The following EYS variants were observed in gnomAD, a reference collection of about 807,000 sequenced individuals.
EYS encodes protein eyes shut homolog.
A neutral mutation model predicts 282.1 loss-of-function variants in EYS; 250 were observed. The observed-to-expected ratio is 0.89, with a 90% CI of 0.80 to 0.98. EYS has a LOEUF of 0.98. EYS is among the 50% of genes least tolerant of loss of function. The pLI, the probability that EYS is intolerant of heterozygous loss-of-function variation, is 0.00. For missense variants in EYS, 4,016 were observed against 3,709.0 expected (o/e 1.08, Z -2.15); for synonymous variants, 1,355 against 1,282.9 (o/e 1.06, Z -1.20).
chr6:64,669,694 T>C (rs1481830046), intron 22 of EYS, among the ~76,000 whole-genome samples: 3 of 152,234 alleles, frequency 2.0e-5, no homozygotes, highest in African/African-American at 7.2e-5. Context: ...ATGTGTTTTT[T>C]ATTTGTTCTT....
intron 31 of EYS, among the ~76,000 whole-genome samples, chr6:64,219,976 A>C (rs1188282991): frequency 6.6e-6 from 1 of 152,162 alleles, no homozygotes; most frequent in East Asian, 1.9e-4. Flanking sequence ...GTGGGAATTG[A>C]ACAATGAGAA....
chr6:63,720,746 C>A lies in EYS; in HGVS notation c.9285G>T (p.Lys3095Asn). The A allele has an allele frequency of 6.5e-7, 1 of 1,549,942 alleles. No individual in the cohort carries two copies. The highest frequency in any genetic ancestry group is 1.2e-5 in the South Asian group (1 of 83,810). ...CYLGGFEYGR[K>N]VNIVTQEIFK... Reference sequence around the variant, plus strand: ...AAATCTCTTGAGTAACGATATTTACCTTTCTACCATATTCAAAGCCCCCTA... The same window carrying A: ...AAATCTCTTGAGTAACGATATTTACATTTCTACCATATTCAAAGCCCCCTA... The change falls in exon 43 of 43, where the codon AAG (lysine) becomes AAT (asparagine). Residue 3095 changes from lysine to asparagine, a missense_variant. Coordinates refer to ENST00000503581, the MANE Select transcript of EYS (RefSeq NM_001142800.2).
At chr6:64,593,046 C>A in intron 25 of EYS, 71 bp downstream of exon 25, 2 of 1,152,486 alleles carry the variant, frequency 1.7e-6, no homozygotes, top group Non-Finnish European at 1.2e-6. Context: ...TTTAATAATG[C>A]AGAAAATATG....
chr6:65,645,274 A>G (rs1767412200), intron 1 of EYS, among the ~76,000 whole-genome samples: 1 of 152,184 alleles, frequency 6.6e-6, no homozygotes, highest in African/African-American at 2.4e-5. Flanking sequence ...AAGATAAACC[A>G]TATGATAGGC....
chr6:65,264,349 C>G (rs1582078481), intron 12 of EYS, among the ~76,000 whole-genome samples: 1 of 152,190 alleles, frequency 6.6e-6, no homozygotes, highest in Non-Finnish European at 1.5e-5. Context: ...AAAATTGTAA[C>G]TACATTTCAT....
intron 24 of EYS, among the ~76,000 whole-genome samples, chr6:64,610,186 G>A (rs1308711500): frequency 6.6e-6 from 1 of 151,872 alleles, no homozygotes; most frequent in Non-Finnish European, 1.5e-5. Flanking sequence ...TCTAATTGAA[G>A]TCTAAAATGT....
At chr6:64,985,695 A>G (rs1770836920) in intron 14 of EYS, among the ~76,000 whole-genome samples, 1 of 151,602 alleles carries the variant, frequency 6.6e-6, no homozygotes, top group African/African-American at 2.4e-5. Context: ...TGAGTTTCAG[A>G]GAAAAACTGA....
intron 26 of EYS, among the ~76,000 whole-genome samples, chr6:64,472,470 TC>T (rs1776149513): frequency 6.6e-6 from 1 of 152,098 alleles, no homozygotes; most frequent in Non-Finnish European, 1.5e-5. Context: ...ACCAACTGTT[TC>T]CCCCTCATTT....
chr6:64,755,483 C>A (rs1341069936), intron 22 of EYS, among the ~76,000 whole-genome samples: 1 of 137,002 alleles, frequency 7.3e-6, no homozygotes, highest in African/African-American at 2.8e-5. Context: ...AATAAGAAAT[C>A]TTGAGAACAT....
chr6:64,565,108 T>C (rs938801691), intron 26 of EYS, among the ~76,000 whole-genome samples: 3 of 152,194 alleles, frequency 2.0e-5, no homozygotes, highest in Non-Finnish European at 2.9e-5. Flanking sequence ...ATTCCCTAGA[T>C]TGTCTCTTTA....
intron 29 of EYS, among the ~76,000 whole-genome samples, chr6:64,380,298 C>T (rs1024021095): frequency 2.6e-5 from 4 of 152,064 alleles, no homozygotes; most frequent in African/African-American, 9.7e-5. Flanking sequence ...TCAATAATCA[C>T]CTCATGTATA....
intron 29 of EYS, among the ~76,000 whole-genome samples, chr6:64,387,698 G>A (rs1292202407): frequency 6.6e-6 from 1 of 152,056 alleles, no homozygotes; most frequent in African/African-American, 2.4e-5. Flanking sequence ...GCACATTAAT[G>A]TTATAGAAAA....
At position 64,624,687 on chromosome 6, in the gene EYS, A is replaced by T. The variant is rs545750852; in HGVS notation, c.3568+1434T>A. On this transcript the variant is annotated intron_variant, in intron 23 of 42. Transcript: ENST00000503581. ...TCTCTGAGTGATGTTTAACTTCTAA[A>T]TAGTATGTGGGTGACACTCAGTTGA... Among the ~76,000 whole-genome samples, 3 of 152,238 alleles carry T rather than the reference A, an allele frequency of 2.0e-5. No individual in the cohort carries two copies. The South Asian group carries it at 6.2e-4, about 32-fold the overall frequency.
chr6:64,719,968 A>G (rs113332398), intron 22 of EYS, among the ~76,000 whole-genome samples: 2 of 152,208 alleles, frequency 1.3e-5, no homozygotes, highest in African/African-American at 4.8e-5. Context: ...GTTTAAACCT[A>G]TATGTTAGTG....
At chr6:64,735,394 CT>C in intron 22 of EYS, among the ~76,000 whole-genome samples, 1 of 152,178 alleles carries the variant, frequency 6.6e-6, no homozygotes, top group Non-Finnish European at 1.5e-5. Context: ...GTTTTCTGAC[CT>C]TTTTTTCTGC....
intron 12 of EYS, among the ~76,000 whole-genome samples, chr6:65,259,500 T>C (rs964918950): frequency 6.6e-6 from 1 of 152,102 alleles, no homozygotes; most frequent in African/African-American, 2.4e-5. Context: ...ATGGTTGATG[T>C]GTTTTTATAC....
chr6:64,508,267 CTG>C (rs1445191062), intron 26 of EYS, among the ~76,000 whole-genome samples: 1 of 152,022 alleles, frequency 6.6e-6, no homozygotes, highest in Non-Finnish European at 1.5e-5. Context: ...TTCAGTTATT[CTG>C]TGTTGATCAA....
At position 65,598,248 on chromosome 6, in the gene EYS, C is replaced by A. The variant is rs60099765; in HGVS notation, c.-333+41530G>T. 8.1e-4 allele frequency among the ~76,000 whole-genome samples: 55 copies of A among 68,016 alleles called. 2 individuals are homozygous for A. Among genetic ancestry groups the A allele is most frequent in the African/African-American group, 2.1e-3 (37 of 17,372 alleles). The allele number at this position is 68,016 out of a possible 152,430, so 44.6% of individuals were successfully genotyped here. A position where few individuals can be genotyped will look rare whatever the true frequency, so the allele number is the denominator to read the frequency against. ...CCCTCCTCCCCACCCACCCCCCCCC[C>A]AAAAAAAAAAACAAAAACTTTTCTC... On this transcript the variant is annotated intron_variant, in intron 2 of 42. Transcript: ENST00000503581.
chr6:64,323,359 C>T (rs1480859339), intron 29 of EYS, among the ~76,000 whole-genome samples: 1 of 151,854 alleles, frequency 6.6e-6, no homozygotes, highest in African/African-American at 2.4e-5. Context: ...AGTATTTCAC[C>T]CCTTTTAATT....
Sources: gnomAD v4.1 joint callset for allele counts (sites outside exome capture counted in the v4.1 genomes callset) on GRCh38, gnomAD v4.1.1 for gene constraint, MANE v1.5 for transcripts, NCBI Gene and HGNC (gene_info 2026-07-23, HGNC 2026-07-21) for gene names.